Variants in ADGRB3 observed in about 807,000 individuals in gnomAD.
The protein encoded by ADGRB3 is adhesion G protein-coupled receptor B3.
A neutral mutation model predicts 193.4 loss-of-function variants in ADGRB3; 37 were observed. The ratio of observed to expected loss-of-function variants is 0.19; its 90% CI spans 0.15 to 0.25. The LOEUF (loss-of-function observed/expected upper bound fraction) is 0.25, where lower values mean the gene tolerates loss of function less well. ADGRB3 is among the 10% of genes least tolerant of loss of function. ADGRB3 has a pLI of 1.00. For missense variants in ADGRB3, 1,637 were observed against 1,852.9 expected, an observed-to-expected ratio of 0.88 and a Z score of 2.14; for synonymous variants, 690 against 644.2, an observed-to-expected ratio of 1.07 and a Z score of -1.08.
At chr6:69,030,622 G>T (rs184382660) in intron 13 of ADGRB3, among the ~76,000 whole-genome samples, 49 of 152,270 alleles carry the variant, frequency 3.2e-4, no homozygotes, top group African/African-American at 1.1e-3. Flanking sequence ...TCAGGGGAGT[G>T]GGGGGCTAGG....
chr6:68,749,408 A>ATATGTGTGTGTG lies in ADGRB3; in HGVS notation c.757+109977_757+109978insATGTGTGTGTGT, dbSNP rs540892508. ...TAAACTCCCCTTTATATATATATAT[A>ATATGTGTGTGTG]TGTGTGTGTGTGTGTGTGTGTGTGT... On this transcript the variant is annotated intron_variant, in intron 3 of 31. Coordinates refer to ENST00000370598, the MANE Select transcript of ADGRB3 (RefSeq NM_001704.3). Among the ~76,000 whole-genome samples, 65 of 136,478 alleles carry ATATGTGTGTGTG rather than the reference A, an allele frequency of 4.8e-4. 1 individual carries two copies. Among genetic ancestry groups the ATATGTGTGTGTG allele is most frequent in the Non-Finnish European group, 4.7e-4 (30 of 64,172 alleles). 89.5% of individuals were successfully genotyped at this position (136,478 alleles called of 152,430 possible). A position where few individuals can be genotyped will look rare whatever the true frequency, so the allele number is the denominator to read the frequency against.
At chr6:69,343,155 T>A (rs931927885) in intron 26 of ADGRB3, among the ~76,000 whole-genome samples, 9 of 151,866 alleles carry the variant, frequency 5.9e-5, no homozygotes, top group Admixed American at 3.9e-4. Flanking sequence ...TTTTTATTTT[T>A]TTTTATTTTT....
chr6:69,100,904 G>A (rs1672758866), intron 17 of ADGRB3, among the ~76,000 whole-genome samples: 1 of 37,902 alleles, frequency 2.6e-5, no homozygotes, highest in Non-Finnish European at 4.8e-5. Context: ...GAAGGAAGAA[G>A]CGAGGGAGGG....
At chr6:69,295,618 T>C (rs1762823397) in intron 20 of ADGRB3, among the ~76,000 whole-genome samples, 1 of 151,924 alleles carries the variant, frequency 6.6e-6, no homozygotes. Context: ...AAGGAGAGAG[T>C]GAGAGGTAAC....
intron 3 of ADGRB3, among the ~76,000 whole-genome samples, chr6:68,916,394 T>C (rs149296332): frequency 6.6e-6 from 1 of 152,316 alleles, no homozygotes; most frequent in Non-Finnish European, 1.5e-5. Context: ...TTCCCCTCTC[T>C]CTCCTCTCTC....
chr6:69,112,589 G>A (rs1277348434), intron 17 of ADGRB3, among the ~76,000 whole-genome samples: 1 of 152,064 alleles, frequency 6.6e-6, no homozygotes, highest in Non-Finnish European at 1.5e-5. Flanking sequence ...CAATGTGTGT[G>A]TATATATAGC....
At chr6:69,284,451 C>T (rs1280704623) in intron 20 of ADGRB3, among the ~76,000 whole-genome samples, 5 of 151,932 alleles carry the variant, frequency 3.3e-5, no homozygotes, top group Admixed American at 2.0e-4. Context: ...TGATTTCTAC[C>T]GAGGCAATTT....
chr6:68,704,707 AG>A (rs1337395007), intron 3 of ADGRB3, among the ~76,000 whole-genome samples: 1 of 152,236 alleles, frequency 6.6e-6, no homozygotes, highest in African/African-American at 2.4e-5. Flanking sequence ...TTGATAAATC[AG>A]TGCTAAATAA....
rs980623794 is a variant in ADGRB3, at chr6:68,782,778, G to A, written c.757+143346G>A. 1.3e-4 allele frequency among the ~76,000 whole-genome samples: 19 copies of A among 151,480 alleles called. 1 individual carries two copies. The highest frequency in any genetic ancestry group is 9.2e-4 in the Admixed American group (14 of 15,166). ...TGGCTGCATAAATGTCTTCTTTTGA[G>A]AAGTGTCTGTTCATATCCTTCGCCC... On this transcript the variant is annotated intron_variant, in intron 3 of 31. Transcript: ENST00000370598.
At chr6:69,105,956 G>A (rs1773197205) in intron 17 of ADGRB3, among the ~76,000 whole-genome samples, 1 of 152,072 alleles carries the variant, frequency 6.6e-6, no homozygotes, top group Admixed American at 6.5e-5. Flanking sequence ...CCAACATGGT[G>A]AAAGCTTATC....
chr6:68,961,583 T>C (rs1024052310), intron 8 of ADGRB3, among the ~76,000 whole-genome samples: 1 of 152,138 alleles, frequency 6.6e-6, no homozygotes, highest in African/African-American at 2.4e-5. Flanking sequence ...ATTTTTGTCT[T>C]TGAGACAAAT....
At chr6:68,758,966 C>T (rs1229262887) in intron 3 of ADGRB3, among the ~76,000 whole-genome samples, 1 of 152,036 alleles carries the variant, frequency 6.6e-6, no homozygotes, top group Non-Finnish European at 1.5e-5. Context: ...CATACAAACA[C>T]ACACAATTTC....
intron 11 of ADGRB3, among the ~76,000 whole-genome samples, chr6:69,013,712 C>T (rs915135389): frequency 2.6e-5 from 4 of 151,884 alleles, no homozygotes; most frequent in African/African-American, 7.3e-5. Flanking sequence ...TCATTACAGA[C>T]GGGATCAAAC....
chr6:68,690,869 C>T (rs2802681), intron 3 of ADGRB3, among the ~76,000 whole-genome samples: 31,381 of 151,886 alleles, frequency 0.21, 3,833 homozygotes, highest in Middle Eastern at 0.43. Flanking sequence ...CCATTTATTT[C>T]GTAGAGAACA....
rs994464618 is a variant in ADGRB3, at chr6:69,370,431, G to A, written c.4240-1975G>A. Among the ~76,000 whole-genome samples, 18 of 151,976 alleles carry A rather than the reference G, an allele frequency of 1.2e-4. No individual in the cohort carries two copies. In the East Asian group the frequency reaches 3.1e-3, roughly 26 times the overall value. On this transcript the variant is annotated intron_variant, in intron 29 of 31. Transcript: ENST00000370598. The stretch of plus-strand genomic sequence containing the variant: ...ACTCCAAATCCCACCACCATCTTTA[G>A]GTTCTTTTGATTAAAATCTGTTTGT...
At chr6:69,190,265 A>G (rs1196335685) in intron 17 of ADGRB3, among the ~76,000 whole-genome samples, 1 of 152,126 alleles carries the variant, frequency 6.6e-6, no homozygotes, top group African/African-American at 2.4e-5. Flanking sequence ...ATTGTCCTTA[A>G]AGACCTTCTA....
At chr6:68,761,721 C>T (rs1366242827) in intron 3 of ADGRB3, among the ~76,000 whole-genome samples, 1 of 151,428 alleles carries the variant, frequency 6.6e-6, no homozygotes, top group Admixed American at 6.6e-5. Flanking sequence ...CTTGTTTGTC[C>T]TCTGATCAAG....
At chr6:69,365,954 A>G (rs989786496) in intron 29 of ADGRB3, among the ~76,000 whole-genome samples, 1 of 152,110 alleles carries the variant, frequency 6.6e-6, no homozygotes, top group African/African-American at 2.4e-5. Flanking sequence ...TTATGTCATT[A>G]CTGTAATGCC....
chr6:68,724,172 T>C (rs528255754), intron 3 of ADGRB3, among the ~76,000 whole-genome samples: 2 of 151,808 alleles, frequency 1.3e-5, no homozygotes, highest in African/African-American at 4.8e-5. Flanking sequence ...GTGCTTGTTA[T>C]GTACTGGTCC....
Sources: gnomAD v4.1 joint callset for allele counts (sites outside exome capture counted in the v4.1 genomes callset) on GRCh38, gnomAD v4.1.1 for gene constraint, MANE v1.5 for transcripts, NCBI Gene and HGNC (gene_info 2026-07-23, HGNC 2026-07-21) for gene names.